The following SRP19 variants were observed in gnomAD, a reference collection of about 807,000 sequenced individuals.
The protein encoded by SRP19 is signal recognition particle 19.
SRP19 carries 11 observed loss-of-function variants against 22.4 expected under a neutral mutation model. That is an observed-to-expected ratio of 0.49 (90% CI 0.31 to 0.81). The LOEUF is 0.81. SRP19 is among the 40% of genes least tolerant of loss of function. The pLI is 0.05. For missense variants in SRP19, 168 were observed against 175.9 expected (o/e 0.96, Z 0.25); for synonymous variants, 61 against 57.6 (o/e 1.06, Z -0.27).
Position 112,869,601 on chromosome 5 carries a change from A to T in SRP19, c.*2064A>T, listed in dbSNP as rs438252. 1,665 of 152,196 alleles carry T rather than the reference A, an allele frequency of 0.011. 24 individuals are homozygous for T. Among genetic ancestry groups the T allele is most frequent in the Non-Finnish European group, 0.013 (885 of 68,040 alleles). 9.4% of individuals were successfully genotyped at this position (152,196 alleles called of 1,614,324 possible). Reference sequence around the variant, plus strand: ...ACTTGATATGGTTTGGCTGCTACCCAACCCAAAATCTCATCTTGAATTATA... The same window carrying T: ...ACTTGATATGGTTTGGCTGCTACCCTACCCAAAATCTCATCTTGAATTATA... On this transcript the variant is annotated 3_prime_UTR_variant, in exon 5 of 5. Transcript: ENST00000505459.
At chr5:112,888,695 T>C (rs1222662645) in intron 4 of SRP19, among the ~76,000 whole-genome samples, 2 of 151,052 alleles carry the variant, frequency 1.3e-5, no homozygotes, top group African/African-American at 4.9e-5. Flanking sequence ...CCTTTGTGAA[T>C]TAAAATTTGT....
chr5:112,864,061 T>C (rs1288985291), intron 2 of SRP19, among the ~76,000 whole-genome samples: 1 of 152,230 alleles, frequency 6.6e-6, no homozygotes, highest in African/African-American at 2.4e-5. Flanking sequence ...GGAATGGAAT[T>C]GCAGGGCCAT....
chr5:112,888,803 T>G (rs1768342890), intron 4 of SRP19, among the ~76,000 whole-genome samples: 1 of 150,828 alleles, frequency 6.6e-6, no homozygotes, highest in African/African-American at 2.5e-5. Context: ...CAAGGATTGC[T>G]TGGGCCCAGG....
intron 4 of SRP19, among the ~76,000 whole-genome samples, chr5:112,867,121 T>G (rs1767631453): frequency 6.6e-6 from 1 of 152,256 alleles, no homozygotes; most frequent in Non-Finnish European, 1.5e-5. Flanking sequence ...TCCTTAGATC[T>G]TCAAGCTGAT....
chr5:112,874,032 G>A (rs983278400), downstream of SRP19, among the ~76,000 whole-genome samples: 58 of 152,070 alleles, frequency 3.8e-4, no homozygotes, highest in African/African-American at 1.3e-3. Context: ...TGTGCCTGGT[G>A]GCACATACCT....
rs1580711474 is a variant in SRP19 at position 112,862,488 on chromosome 5, T to G, written c.42-20T>G. On this transcript the variant is annotated intron_variant, in intron 1 of 4. Coordinates refer to ENST00000505459, the MANE Select transcript of SRP19 (RefSeq NM_003135.3). Reference sequence around the variant, plus strand: ...CTCTTACTGCTCTAGTGATACCACTTATGCTATTGTCTATGGCAGGTTTAT... The same window carrying G: ...CTCTTACTGCTCTAGTGATACCACTGATGCTATTGTCTATGGCAGGTTTAT... 1 of 1,609,648 alleles carries G rather than the reference T, an allele frequency of 6.2e-7. No individual in the cohort carries two copies. The highest frequency in any genetic ancestry group is 8.5e-7 in the Non-Finnish European group (1 of 1,175,942).
exon 4 of SRP19, chr5:112,898,206 ACT>A (rs1156974456): frequency 6.6e-6 from 1 of 152,178 alleles, no homozygotes; most frequent in Admixed American, 6.6e-5. Flanking sequence ...TACAGACGAG[ACT>A]CTGCAATTCA....
rs370701954 is a variant in SRP19, at chr5:112,868,395, AGTTT to A, written c.*875_*878del. The A allele has an allele frequency of 3.5e-4, 349 of 1,001,636 alleles. No individual in the cohort carries two copies. Among genetic ancestry groups the A allele is most frequent in the South Asian group, 3.1e-3 (70 of 22,328 alleles). The allele number at this position is 1,001,636 out of a possible 1,614,324, so 62.0% of individuals were successfully genotyped here. A position where few individuals can be genotyped will look rare whatever the true frequency, so the allele number is the denominator to read the frequency against. ...TTTTCAGTAAATTCCATTTTTTTTA[AGTTT>A]GTTTGTTTGTTTGTTTTTGAGATGG... On this transcript the variant is annotated 3_prime_UTR_variant, in exon 5 of 5. Transcript: ENST00000505459.
In SRP19 at chr5:112,861,344, T is replaced by C. The variant is rs1046760494; in HGVS notation, c.-33T>C. ...CCCGGGTTTCTGCCGGGTTTCTCCCTGCGGCTCCTGGGTTGTTGAGACTCT... is the reference window on the plus strand; with the variant it reads ...CCCGGGTTTCTGCCGGGTTTCTCCCCGCGGCTCCTGGGTTGTTGAGACTCT... On this transcript the variant is annotated 5_prime_UTR_variant, in exon 1 of 5. Coordinates refer to ENST00000505459, the MANE Select transcript of SRP19 (RefSeq NM_003135.3). The C allele has an allele frequency of 3.1e-6, 5 of 1,613,880 alleles. No individual in the cohort carries two copies. The African/African-American group carries it at 6.7e-5, about 22-fold the overall frequency.
chr5:112,877,630 C>G (rs929897021), intron 4 of SRP19: 21 of 152,242 alleles, frequency 1.4e-4, no homozygotes, highest in African/African-American at 4.6e-4. Context: ...CAGAGAAAAA[C>G]TGAAGATAGA....
intron 4 of SRP19, among the ~76,000 whole-genome samples, chr5:112,885,989 T>G (rs542714555): frequency 6.6e-6 from 1 of 152,348 alleles, no homozygotes; most frequent in African/African-American, 2.4e-5. Flanking sequence ...TTACAGTGAC[T>G]GTGGGTATGA....
At chr5:112,880,955 G>A (rs546018554) in intron 4 of SRP19, among the ~76,000 whole-genome samples, 3 of 151,764 alleles carry the variant, frequency 2.0e-5, no homozygotes, top group South Asian at 2.1e-4. Context: ...ATGGCATAAC[G>A]GTGTCTCTAC....
Position 112,867,805 on chromosome 5 carries a change from A to G in SRP19, c.*268A>G, listed in dbSNP as rs1442045262. ...TATTTTTAAATGGACAATGGACTGT[A>G]CAATAAGTTACTTGAAATAAGTTGT... On this transcript the variant is annotated 3_prime_UTR_variant, in exon 5 of 5. Transcript: ENST00000505459. The G allele has an allele frequency of 8.9e-7, 1 of 1,121,942 alleles. No homozygotes were observed. The highest frequency in any genetic ancestry group is 1.1e-6 in the Non-Finnish European group (1 of 918,376). 69.5% of individuals were successfully genotyped at this position (1,121,942 alleles called of 1,614,324 possible). A position where few individuals can be genotyped will look rare whatever the true frequency, so the allele number is the denominator to read the frequency against.
At chr5:112,890,076 A>G (rs1368118835) in intron 4 of SRP19, among the ~76,000 whole-genome samples, 1 of 149,926 alleles carries the variant, frequency 6.7e-6, no homozygotes, top group Admixed American at 6.7e-5. Context: ...ATCCACCCCC[A>G]TCGGCCTCCC....
At chr5:112,892,384 T>G (rs753119613) in exon 5 of SRP19, 6 of 1,613,918 alleles carry the variant, frequency 3.7e-6, no homozygotes, top group South Asian at 1.1e-5. Flanking sequence ...TGAGGATGTG[T>G]TGCCCGAGTT....
chr5:112,893,991 T>C (rs519397), downstream of SRP19: 62,634 of 152,152 alleles, frequency 0.41, 14,299 homozygotes, highest in African/African-American at 0.63. Flanking sequence ...ATTAAATGAC[T>C]GTATTTTTCA....
chr5:112,864,448 A>T lies in SRP19; in HGVS notation c.118-9A>T, dbSNP rs561358819. ...CATATATTTAGTGTTTATGTTTTTA[A>T]CTGTTCAGGCTGTTGAAAATCCTAC... On this transcript the variant is annotated splice_polypyrimidine_tract_variant and intron_variant, in intron 2 of 4. Transcript: ENST00000505459. The T allele has an allele frequency of 6.2e-7, 1 of 1,611,922 alleles. No individual in the cohort carries two copies. Among genetic ancestry groups the T allele is most frequent in the African/African-American group, 1.3e-5 (1 of 74,982 alleles).
intron 4 of SRP19, among the ~76,000 whole-genome samples, chr5:112,875,019 AC>A (rs1767862985): frequency 6.6e-6 from 1 of 152,004 alleles, no homozygotes; most frequent in Non-Finnish European, 1.5e-5. Flanking sequence ...CAGGTGATCC[AC>A]CCACCTTGGC....
Position 112,868,272 on chromosome 5 carries a change from A to G in SRP19, c.*735A>G, listed in dbSNP as rs1364154454. The G allele has an allele frequency of 1.0e-6, 1 of 985,426 alleles. No homozygotes were observed. The highest frequency in any genetic ancestry group is 1.7e-5 in the African/African-American group (1 of 57,258). 61.0% of individuals were successfully genotyped at this position (985,426 alleles called of 1,614,324 possible). A position where few individuals can be genotyped will look rare whatever the true frequency, so the allele number is the denominator to read the frequency against. On this transcript the variant is annotated 3_prime_UTR_variant, in exon 5 of 5. Transcript: ENST00000505459. The stretch of plus-strand genomic sequence containing the variant: ...AATTGGATTGGTGCTCCAGAATTTC[A>G]GAGCGGTTTCTGAAAGTAGTGATTT...
Sources: allele counts gnomAD v4.1 joint callset (sites outside exome capture counted in the v4.1 genomes callset), GRCh38; gene constraint gnomAD v4.1.1; transcripts MANE v1.5; gene names NCBI Gene and HGNC (gene_info 2026-07-23, HGNC 2026-07-21).